BTRC: variants seen among roughly 807,000 people sequenced by gnomAD.
BTRC encodes F-box/WD repeat-containing protein 1A.
In BTRC, 42 loss-of-function variants were observed where a neutral mutation model predicts 85.5. The ratio of observed to expected loss-of-function variants is 0.49; its 90% CI spans 0.38 to 0.64. The LOEUF is 0.64. Among genes scored for constraint, BTRC ranks in the 30% least tolerant of loss-of-function variants. BTRC has a pLI of 0.00. For missense variants in BTRC, 594 were observed against 743.5 expected (o/e 0.80, Z 2.34); for synonymous variants, 255 against 263.3 (o/e 0.97, Z 0.30).
chr10:101,553,451 A>G lies in BTRC; in HGVS notation c.*328A>G, dbSNP rs190190120. ...AGTTTTTTCCCATTGGTTCCAGACA[A>G]AGGTGACTTATAAATATATTTAGTG... On this transcript the variant is annotated 3_prime_UTR_variant, in exon 15 of 15. Transcript: ENST00000370187. 169 of 152,774 alleles carry G rather than the reference A, an allele frequency of 1.1e-3. No individual in the cohort carries two copies. The highest frequency in any genetic ancestry group is 2.0e-3 in the Non-Finnish European group (137 of 68,052). 9.5% of individuals were successfully genotyped at this position (152,774 alleles called of 1,614,324 possible). A position where few individuals can be genotyped will look rare whatever the true frequency, so the allele number is the denominator to read the frequency against.
chr10:101,469,858 T>C (rs920472597), intron 3 of BTRC, among the ~76,000 whole-genome samples: 17 of 152,220 alleles, frequency 1.1e-4, no homozygotes, highest in African/African-American at 4.1e-4. Flanking sequence ...GCTATATTTT[T>C]GGGGTCTGAC....
chr10:101,514,891 G>A (rs1319351066), intron 4 of BTRC, among the ~76,000 whole-genome samples: 8 of 152,266 alleles, frequency 5.3e-5, no homozygotes, highest in African/African-American at 1.9e-4. Flanking sequence ...TACATATCTT[G>A]AAATTTACTA....
intron 13 of BTRC, among the ~76,000 whole-genome samples, chr10:101,540,968 A>G (rs1477340082): frequency 1.3e-5 from 2 of 152,154 alleles, no homozygotes; most frequent in African/African-American, 4.8e-5. Context: ...ATCCCTAAAT[A>G]TTTTGTATTT....
intron 4 of BTRC, among the ~76,000 whole-genome samples, chr10:101,501,614 T>C (rs1469003984): frequency 6.6e-6 from 1 of 152,198 alleles, no homozygotes; most frequent in Admixed American, 6.6e-5. Context: ...GTTTGATACA[T>C]AGAAAAATTC....
intron 1 of BTRC, among the ~76,000 whole-genome samples, chr10:101,359,176 G>A (rs1942129558): frequency 6.6e-6 from 1 of 152,038 alleles, no homozygotes; most frequent in South Asian, 2.1e-4. Context: ...AGGAAACAGA[G>A]GTATCTAAAC....
At chr10:101,485,972 C>G (rs1003024465) in intron 4 of BTRC, among the ~76,000 whole-genome samples, 3 of 152,170 alleles carry the variant, frequency 2.0e-5, no homozygotes, top group African/African-American at 7.2e-5. Flanking sequence ...ACGATCAATT[C>G]GCCTCGTTTT....
intron 6 of BTRC, among the ~76,000 whole-genome samples, chr10:101,529,053 A>G (rs2062243010): frequency 1.3e-5 from 2 of 152,326 alleles, no homozygotes; most frequent in African/African-American, 4.8e-5. Flanking sequence ...GGGAAAAGTC[A>G]ATTTTCTTAA....
intron 13 of BTRC, among the ~76,000 whole-genome samples, chr10:101,546,938 T>C (rs2062567095): frequency 6.6e-6 from 1 of 152,218 alleles, no homozygotes; most frequent in Non-Finnish European, 1.5e-5. Flanking sequence ...ACCAAACATT[T>C]GAAGAAGTTA....
At chr10:101,407,680 G>A (rs1319210450) in intron 1 of BTRC, among the ~76,000 whole-genome samples, 1 of 149,916 alleles carries the variant, frequency 6.7e-6, no homozygotes. Flanking sequence ...CTGAGCCACT[G>A]TGCCCAGCCT....
At chr10:101,530,922 C>T (rs1328398365) in intron 6 of BTRC, among the ~76,000 whole-genome samples, 1 of 152,136 alleles carries the variant, frequency 6.6e-6, no homozygotes, top group African/African-American at 2.4e-5. Flanking sequence ...GCCTGTAATC[C>T]CAGCACTTTG....
intron 1 of BTRC, among the ~76,000 whole-genome samples, chr10:101,393,755 C>G (rs72839323): frequency 0.053 from 8,137 of 152,294 alleles, 303 homozygotes; most frequent in Middle Eastern, 0.13. Context: ...CTCCCCCACC[C>G]TGGAGGATCA....
Position 101,405,120 on chromosome 10 carries a change from C to A in BTRC, c.49-25225C>A, listed in dbSNP as rs371909874. Among the ~76,000 whole-genome samples the A allele has an allele frequency of 9.2e-5, 14 of 152,120 alleles. No individual in the cohort carries two copies. The East Asian group carries it at 2.7e-3, about 29-fold the overall frequency. On this transcript the variant is annotated intron_variant, in intron 1 of 14. Transcript: ENST00000370187. ...TATGGGGCCATTTTCTTGAGTTCCTCCCTCTGTACAATCTCCCCAGTACTA... is the reference window on the plus strand; with the variant it reads ...TATGGGGCCATTTTCTTGAGTTCCTACCTCTGTACAATCTCCCCAGTACTA...
chr10:101,413,205 AC>A (rs1943830889), intron 1 of BTRC, among the ~76,000 whole-genome samples: 1 of 148,720 alleles, frequency 6.7e-6, no homozygotes, highest in Admixed American at 6.7e-5. Flanking sequence ...GCTCACTGCA[AC>A]CTCTGCCTCT....
At chr10:101,489,570 C>T (rs1257902906) in intron 4 of BTRC, among the ~76,000 whole-genome samples, 5 of 152,170 alleles carry the variant, frequency 3.3e-5, no homozygotes, top group Non-Finnish European at 7.4e-5. Flanking sequence ...CTGAGCCTTC[C>T]TTTTGAACCT....
intron 3 of BTRC, among the ~76,000 whole-genome samples, chr10:101,471,111 G>A (rs1176369804): frequency 6.6e-6 from 1 of 152,082 alleles, no homozygotes; most frequent in Admixed American, 6.5e-5. Context: ...TTTATATAAT[G>A]GGCCATGAAA....
At chr10:101,500,573 G>A (rs1045013047) in intron 4 of BTRC, among the ~76,000 whole-genome samples, 8 of 152,040 alleles carry the variant, frequency 5.3e-5, no homozygotes, top group African/African-American at 1.9e-4. Flanking sequence ...CTGTGGGGAG[G>A]GATAGTTGGG....
intron 1 of BTRC, among the ~76,000 whole-genome samples, chr10:101,375,004 A>G (rs1942752093): frequency 6.6e-6 from 1 of 152,162 alleles, no homozygotes; most frequent in Non-Finnish European, 1.5e-5. Context: ...CAGGGTGGCT[A>G]GGAGTTGGGG....
At chr10:101,512,139 G>A (rs2061964939) in intron 4 of BTRC, among the ~76,000 whole-genome samples, 1 of 152,166 alleles carries the variant, frequency 6.6e-6, no homozygotes, top group Non-Finnish European at 1.5e-5. Context: ...TCAATAAACT[G>A]TTGTTGGTTG....
At chr10:101,408,027 A>T (rs1943676145) in intron 1 of BTRC, among the ~76,000 whole-genome samples, 2 of 152,146 alleles carry the variant, frequency 1.3e-5, no homozygotes, top group South Asian at 4.1e-4. Context: ...TGGCCTAAAC[A>T]TTATTTCAAA....
Sources: allele counts gnomAD v4.1 joint callset (sites outside exome capture counted in the v4.1 genomes callset), GRCh38; gene constraint gnomAD v4.1.1; transcripts MANE v1.5; gene names NCBI Gene and HGNC (gene_info 2026-07-23, HGNC 2026-07-21).